PRDM16: variants seen among roughly 807,000 people sequenced by gnomAD.
PRDM16 encodes histone-lysine N-methyltransferase PRDM16.
A neutral mutation model predicts 110.6 loss-of-function variants in PRDM16; 23 were observed. That is an observed-to-expected ratio of 0.21 (90% CI 0.15 to 0.29). The LOEUF (loss-of-function observed/expected upper bound fraction) is 0.29, where lower values mean the gene tolerates loss of function less well. Among genes scored for constraint, PRDM16 ranks in the 10% least tolerant of loss-of-function variants. The probability of loss-of-function intolerance (pLI) is 1.00; values close to 1 mark genes in which losing one functional copy is unlikely to be tolerated. For synonymous variants in PRDM16, 799 were observed against 781.8 expected (o/e 1.02, Z -0.37); for missense variants, 1,615 against 1,794.3 (o/e 0.90, Z 1.81).
At chr1:3,404,613 C>T (rs1239980643) in intron 6 of PRDM16, 126 bp from the exon 7 acceptor site, 24 of 1,188,456 alleles carry the variant, frequency 2.0e-5, no homozygotes, top group African/African-American at 3.1e-5. Context: ...CCAGCATGTG[C>T]TCTGATCCCT....
intron 3 of PRDM16, among the ~76,000 whole-genome samples, chr1:3,250,202 C>T (rs1282680894): frequency 6.6e-6 from 1 of 151,564 alleles, no homozygotes; most frequent in East Asian, 2.0e-4. Context: ...CCTGAGGCTC[C>T]AGTCCGCAGG....
At chr1:3,325,195 A>G (rs999557607) in intron 3 of PRDM16, among the ~76,000 whole-genome samples, 1 of 152,180 alleles carries the variant, frequency 6.6e-6, no homozygotes, top group African/African-American at 2.4e-5. Flanking sequence ...GAAATCTCTC[A>G]TGCCTGTGAG....
intron 12 of PRDM16, 144 bp downstream of exon 12, chr1:3,418,888 TC>T (rs1217038763): frequency 1.5e-6 from 1 of 675,464 alleles, no homozygotes; most frequent in African/African-American, 1.8e-5. Flanking sequence ...TGAATTCTGG[TC>T]ACTCTGGCCC....
intron 3 of PRDM16, among the ~76,000 whole-genome samples, chr1:3,376,132 G>T (rs1186864028): frequency 6.6e-6 from 1 of 152,124 alleles, no homozygotes; most frequent in Non-Finnish European, 1.5e-5. Flanking sequence ...ATGTTTGCAG[G>T]GCATCTGGGT....
At position 3,358,096 on chromosome 1, in the gene PRDM16, G is replaced by A. The variant is rs572263480; in HGVS notation, c.439-27056G>A. On this transcript the variant is annotated intron_variant, in intron 3 of 16. Transcript: ENST00000270722. The surrounding 1 kb of genome is among the most constrained non-coding windows in gnomAD (Gnocchi z 4.0). Reference sequence around the variant, plus strand: ...GGTGCCCAGTGGCCTGGCCTCACGCGTGGGTCCATCCCGGAACCACACAGT... The same window carrying A: ...GGTGCCCAGTGGCCTGGCCTCACGCATGGGTCCATCCCGGAACCACACAGT... Among the ~76,000 whole-genome samples, 28 of 152,190 alleles carry A rather than the reference G, an allele frequency of 1.8e-4. No homozygotes were observed. The highest frequency in any genetic ancestry group is 3.2e-4 in the Non-Finnish European group (22 of 68,018).
chr1:3,157,265 C>G lies in PRDM16; in HGVS notation c.38-28860C>G, dbSNP rs369839837. ...TCCGGCAGATGAAATCCAGGACACC[C>G]AGTTCAATTTGAATTTCAGATACAC... On this transcript the variant is annotated intron_variant, in intron 1 of 16. Coordinates refer to ENST00000270722, the MANE Select transcript of PRDM16 (RefSeq NM_022114.4). This position sits in a 1 kb window ranked among gnomAD's most constrained non-coding sequence, Gnocchi z 4.8. Among the ~76,000 whole-genome samples the G allele has an allele frequency of 5.3e-5, 8 of 152,292 alleles. No homozygotes were observed. The East Asian group carries it at 5.8e-4, about 11-fold the overall frequency.
intron 3 of PRDM16, among the ~76,000 whole-genome samples, chr1:3,251,769 G>A (rs2100220759): frequency 1.3e-5 from 2 of 152,314 alleles, no homozygotes; most frequent in East Asian, 3.9e-4. Flanking sequence ...GAGCCAGATG[G>A]TGGCGTCAAT....
intron 4 of PRDM16, chr1:3,394,448 G>T (rs1490180952): frequency 2.2e-6 from 1 of 447,636 alleles, no homozygotes; most frequent in East Asian, 7.4e-5. Flanking sequence ...GGATGCCCGA[G>T]GTCTCACGTC....
At chr1:3,149,416 C>T (rs1277598352) in intron 1 of PRDM16, among the ~76,000 whole-genome samples, 1 of 152,074 alleles carries the variant, frequency 6.6e-6, no homozygotes, top group Non-Finnish European at 1.5e-5. Context: ...CAGCCTGGGA[C>T]CCCCACTATG....
At chr1:3,188,041 G>A (rs1404584792) in intron 2 of PRDM16, among the ~76,000 whole-genome samples, 1 of 152,178 alleles carries the variant, frequency 6.6e-6, no homozygotes, top group Non-Finnish European at 1.5e-5. Flanking sequence ...GCAGGACAGG[G>A]AGAGAGTTTG....
At chr1:3,278,144 A>G (rs981652238) in intron 3 of PRDM16, among the ~76,000 whole-genome samples, 1 of 152,186 alleles carries the variant, frequency 6.6e-6, no homozygotes, top group African/African-American at 2.4e-5. Flanking sequence ...CCAGGTCCCT[A>G]AAGCCCTATC....
chr1:3,331,410 G>C (rs12047586), intron 3 of PRDM16, among the ~76,000 whole-genome samples: 15,932 of 152,154 alleles, frequency 0.1, 1,045 homozygotes, highest in East Asian at 0.31. Flanking sequence ...GAATCCCCCA[G>C]ATCAGGACCC....
rs540010298 is a variant in PRDM16 at position 3,119,232 on chromosome 1, C to T, written c.37+49936C>T. On this transcript the variant is annotated intron_variant, in intron 1 of 16. Transcript: ENST00000270722. The stretch of plus-strand genomic sequence containing the variant: ...CAGGAGCACCCCACCCCGGCGGCCA[C>T]AGTGGGACTTCCTTTCCAGGTGCTG... Among the ~76,000 whole-genome samples, 13 of 152,380 alleles carry T rather than the reference C, an allele frequency of 8.5e-5. No homozygotes were observed. In the East Asian group the frequency reaches 2.5e-3, roughly 29 times the overall value.
intron 2 of PRDM16, among the ~76,000 whole-genome samples, chr1:3,197,814 C>T (rs1197095600): frequency 6.6e-6 from 1 of 152,140 alleles, no homozygotes; most frequent in Non-Finnish European, 1.5e-5. Flanking sequence ...GCAGGTCCCA[C>T]GCGTTCCAGG....
At chr1:3,408,856 G>A (rs1438880238) in intron 8 of PRDM16, among the ~76,000 whole-genome samples, 1 of 48,718 alleles carries the variant, frequency 2.1e-5, no homozygotes, top group Non-Finnish European at 3.8e-5. Context: ...GTGAGAGCAC[G>A]AGGGTGGGCA....
At chr1:3,071,028 C>T (rs986403247) in intron 1 of PRDM16, among the ~76,000 whole-genome samples, 18 of 152,256 alleles carry the variant, frequency 1.2e-4, no homozygotes, top group Admixed American at 5.9e-4. Context: ...GTGGGGTGTG[C>T]GTGTGCGTGT....
At chr1:3,418,518 G>A (rs757579357) in intron 11 of PRDM16, 149 bp from the exon 12 acceptor site, 18 of 664,520 alleles carry the variant, frequency 2.7e-5, no homozygotes, top group East Asian at 1.6e-4. Context: ...CTTCAGGGCC[G>A]TGGAAGGGAC....
chr1:3,181,941 TAC>T lies in PRDM16; in HGVS notation c.38-4176_38-4175del, dbSNP rs537227415. Among the ~76,000 whole-genome samples the T allele has an allele frequency of 1.8e-3, 278 of 151,642 alleles. 4 individuals carry two copies. Among genetic ancestry groups the T allele is most frequent in the South Asian group, 0.013 (62 of 4,766 alleles). On this transcript the variant is annotated intron_variant, in intron 1 of 16. Transcript: ENST00000270722. ...TCTTACACATGGTCTTACACATGCT[TAC>T]ACACACAGTCTTACACATGCCTTAC... is the stretch of plus-strand genomic sequence containing the variant.
chr1:3,256,998 C>A (rs1640064922), intron 3 of PRDM16, among the ~76,000 whole-genome samples: 1 of 152,158 alleles, frequency 6.6e-6, no homozygotes, highest in South Asian at 2.1e-4. Context: ...GATAATATGC[C>A]TTATTGCTGA....
Sources: gnomAD v4.1 joint callset for allele counts (sites outside exome capture counted in the v4.1 genomes callset) on GRCh38, gnomAD v4.1.1 for gene constraint, Gnocchi (gnomAD v3.1) non-coding constraint, MANE v1.5 for transcripts, NCBI Gene and HGNC (gene_info 2026-07-23, HGNC 2026-07-21) for gene names.